Variants in NUTF2 observed in about 807,000 individuals in gnomAD.
NUTF2 encodes placental protein 15.
NUTF2 carries 3 observed loss-of-function variants against 18.5 expected under a neutral mutation model. That is an observed-to-expected ratio of 0.16 (90% confidence interval 0.07 to 0.42). The LOEUF (loss-of-function observed/expected upper bound fraction) is 0.42. NUTF2 is among the 10% of genes least tolerant of loss of function. NUTF2 has a pLI of 0.99. For missense variants in NUTF2, 44 were observed against 160.7 expected (o/e 0.27, Z 3.93); for synonymous variants, 51 against 57.9 (o/e 0.88, Z 0.54).
intron 1 of NUTF2, among the ~76,000 whole-genome samples, chr16:67,859,442 C>T (rs1174273174): frequency 6.6e-6 from 1 of 151,790 alleles, no homozygotes; most frequent in Non-Finnish European, 1.5e-5. Context: ...CTCTGCCTCC[C>T]GGGTTCAAGC....
At chr16:67,870,101 G>A (rs766380952) in intron 4 of NUTF2, 4 of 152,310 alleles carry the variant, frequency 2.6e-5, no homozygotes, top group South Asian at 2.1e-4. Flanking sequence ...GTCTCTGTAG[G>A]GAGCTCATTG....
chr16:67,851,373 T>G (rs1217513369), intron 1 of NUTF2, among the ~76,000 whole-genome samples: 1 of 151,516 alleles, frequency 6.6e-6, no homozygotes, highest in African/African-American at 2.4e-5. Context: ...CCCAGCTACT[T>G]GGGAGGCTGA....
rs898531692 is a variant in NUTF2, at chr16:67,871,289, C to A, written c.*376C>A. 6.0e-6 allele frequency: 1 copy of A among 165,786 alleles called. No individual in the cohort carries two copies. The allele number at this position is 165,786 out of a possible 1,614,324, so 10.3% of individuals were successfully genotyped here. On this transcript the variant is annotated 3_prime_UTR_variant, in exon 5 of 5. Coordinates refer to ENST00000219169, the MANE Select transcript of NUTF2 (RefSeq NM_005796.3). ...TCAGATGTTTCAATGCCTCATGATA[C>A]AATAAAACCACAAAAATTTTCTTAA...
intron 1 of NUTF2, among the ~76,000 whole-genome samples, chr16:67,851,153 A>G (rs1433061337): frequency 6.6e-6 from 1 of 151,010 alleles, no homozygotes; most frequent in Non-Finnish European, 1.5e-5. Flanking sequence ...TTGCCTTTGG[A>G]GTTGGTGGTT....
chr16:67,866,034 C>T (rs1026914288), intron 2 of NUTF2, among the ~76,000 whole-genome samples: 4 of 152,166 alleles, frequency 2.6e-5, no homozygotes, highest in Admixed American at 2.6e-4. Flanking sequence ...GCTCTTTTAA[C>T]GATGTTCATA....
At chr16:67,852,674 A>C (rs2151294781) in intron 1 of NUTF2, among the ~76,000 whole-genome samples, 1 of 142,250 alleles carries the variant, frequency 7.0e-6, no homozygotes, top group Non-Finnish European at 1.5e-5. Flanking sequence ...TCTTTATTTT[A>C]TTTCTTTATT....
chr16:67,847,167 G>A (rs1426646540), intron 1 of NUTF2, 182 bp downstream of exon 1: 2 of 151,880 alleles, frequency 1.3e-5, no homozygotes, highest in African/African-American at 2.4e-5. Flanking sequence ...CCGGTCCTGT[G>A]AGGCGGCGGC....
chr16:67,851,770 C>G (rs2057860049), intron 1 of NUTF2, among the ~76,000 whole-genome samples: 1 of 151,788 alleles, frequency 6.6e-6, no homozygotes, highest in Non-Finnish European at 1.5e-5. Flanking sequence ...AATCCCAGCA[C>G]TTTGGGAGGC....
chr16:67,855,493 A>G lies in NUTF2; in HGVS notation c.-30+8508A>G, dbSNP rs1225767367. ...CCCCCAGGCTGGAGACAGGGCTGCTATGGGGATAGGGAACCCTTATTAGAG... is the reference window on the plus strand; with the variant it reads ...CCCCCAGGCTGGAGACAGGGCTGCTGTGGGGATAGGGAACCCTTATTAGAG... On this transcript the variant is annotated intron_variant, in intron 1 of 4. Transcript: ENST00000219169. Among the ~76,000 whole-genome samples the G allele has an allele frequency of 3.9e-5, 6 of 152,252 alleles. No homozygotes were observed. In the East Asian group the frequency reaches 9.6e-4, roughly 24 times the overall value.
At chr16:67,854,565 T>C (rs1485873396) in intron 1 of NUTF2, among the ~76,000 whole-genome samples, 2 of 152,226 alleles carry the variant, frequency 1.3e-5, no homozygotes, top group Non-Finnish European at 2.9e-5. Context: ...ACCATTTTCG[T>C]TGAGGCCTCC....
chr16:67,860,909 A>G (rs1181012386), intron 1 of NUTF2, among the ~76,000 whole-genome samples: 1 of 152,216 alleles, frequency 6.6e-6, no homozygotes, highest in African/African-American at 2.4e-5. Context: ...GGTTTGAGAA[A>G]GCTGACATCA....
At chr16:67,868,161 G>A (rs981573857) in intron 2 of NUTF2, among the ~76,000 whole-genome samples, 179 bp from the exon 3 acceptor site, 3 of 152,126 alleles carry the variant, frequency 2.0e-5, no homozygotes, top group Non-Finnish European at 4.4e-5. Context: ...CAGGGTCAAT[G>A]GGGTAGAAGA....
chr16:67,860,559 C>T (rs1173955505), intron 1 of NUTF2, among the ~76,000 whole-genome samples: 16 of 152,230 alleles, frequency 1.1e-4, no homozygotes, highest in African/African-American at 3.9e-4. Flanking sequence ...ATGTGAGCTA[C>T]TATGCCCAGC....
intron 4 of NUTF2, among the ~76,000 whole-genome samples, chr16:67,869,311 C>T (rs2057995833): frequency 6.6e-6 from 1 of 151,246 alleles, no homozygotes; most frequent in Non-Finnish European, 1.5e-5. Context: ...TCTTGAACTC[C>T]TGACCTCAGG....
At chr16:67,862,444 C>G (rs570355221) in intron 1 of NUTF2, among the ~76,000 whole-genome samples, 1 of 152,346 alleles carries the variant, frequency 6.6e-6, no homozygotes, top group African/African-American at 2.4e-5. Context: ...CTTCCCCACT[C>G]TTCTCTGCCC....
At chr16:67,865,690 A>G (rs2151300000) in intron 2 of NUTF2, among the ~76,000 whole-genome samples, 1 of 147,484 alleles carries the variant, frequency 6.8e-6, no homozygotes, top group South Asian at 2.2e-4. Context: ...CATTTCACAA[A>G]CCCTTCTATG....
At chr16:67,856,593 C>A (rs1598161832) in intron 1 of NUTF2, among the ~76,000 whole-genome samples, 1 of 151,854 alleles carries the variant, frequency 6.6e-6, no homozygotes, top group Non-Finnish European at 1.5e-5. Flanking sequence ...ACTGCAACCT[C>A]TGCCTCCTGG....
At chr16:67,865,281 G>A in intron 2 of NUTF2, 52 bp downstream of exon 2, 1 of 1,293,712 alleles carries the variant, frequency 7.7e-7, no homozygotes, top group Non-Finnish European at 1.1e-6. Flanking sequence ...CAATTTGGAT[G>A]TTGGGCCAGT....
chr16:67,854,195 C>T (rs947931072), intron 1 of NUTF2, among the ~76,000 whole-genome samples: 2 of 152,172 alleles, frequency 1.3e-5, no homozygotes, highest in African/African-American at 4.8e-5. Flanking sequence ...TTGGTCTGCC[C>T]GCCTTGGCCT....
Sources: allele counts gnomAD v4.1 joint callset (sites outside exome capture counted in the v4.1 genomes callset), GRCh38; gene constraint gnomAD v4.1.1; transcripts MANE v1.5; gene names NCBI Gene and HGNC (gene_info 2026-07-23, HGNC 2026-07-21).